Variants in ASPM observed in about 807,000 individuals in gnomAD.
ASPM encodes assembly factor for spindle microtubules, also known as abnormal spindle-like microcephaly-associated protein.
ASPM carries 256 observed loss-of-function variants against 366.4 expected under a neutral mutation model. The observed-to-expected ratio is 0.70, with a 90% confidence interval of 0.63 to 0.77. The LOEUF (loss-of-function observed/expected upper bound fraction) is 0.77, where lower values mean the gene tolerates loss of function less well. ASPM is among the 30% of genes least tolerant of loss of function. The pLI is 0.00. For missense variants in ASPM, 4,146 were observed against 4,090.4 expected (o/e 1.01, Z -0.37); for synonymous variants, 1,414 against 1,342.9 (o/e 1.05, Z -1.16).
In ASPM at chr1:197,143,814, C is replaced by A. The variant is rs1571631775; in HGVS notation, c.442-4G>T. 1.2e-6 allele frequency: 2 copies of A among 1,610,772 alleles called. No homozygotes were observed. Among genetic ancestry groups the A allele is most frequent in the Admixed American group, 3.3e-5 (2 of 59,846 alleles). ...TAATGGTATCCCAAAGACTCCTCTGCAAAAATAAGGAAAATATACCAATTA... is the reference window on the plus strand; with the variant it reads ...TAATGGTATCCCAAAGACTCCTCTGAAAAAATAAGGAAAATATACCAATTA... On this transcript the variant is annotated splice_region_variant and splice_polypyrimidine_tract_variant and intron_variant, in intron 2 of 27. Transcript: ENST00000367409.
rs113161395 is a variant in ASPM, at chr1:197,128,621, A to G, written c.2805T>C (p.Ser935=). 19,280 of 1,613,798 alleles carry G rather than the reference A, an allele frequency of 0.012. 161 individuals are homozygous for G. Among genetic ancestry groups the G allele is most frequent in the Non-Finnish European group, 0.013 (15,820 of 1,179,746 alleles). ...GGTGACGGGAAAGGTCACCTTCACC[A>G]CTTAGGAAATCTCGTGAAAAAGCCA... ...ILLAFSRDFL[S]GEGDLSRHLG... Residue 935 remains serine (S), a synonymous_variant, in exon 10 of 28, where the codon AGT becomes AGC. Transcript: ENST00000367409.
chr1:197,124,292 T>C lies in ASPM; in HGVS notation c.3208A>G (p.Ile1070Val), dbSNP rs762092663. The change falls in exon 13 of 28, where the codon ATT becomes GTT. Residue 1070 changes from isoleucine to valine, a missense_variant. By Grantham distance (29) the Ile-to-Val change is conservative. This residue lies in a region of ASPM where 3,624 missense variants were observed against 3,591.7 expected (regional missense o/e 1.01). Coordinates refer to ENST00000367409, the MANE Select transcript of ASPM (RefSeq NM_018136.5). ...SLNLDQLKEEIAFLKHTKSIK... is the reference protein window; with the variant it reads ...SLNLDQLKEEVAFLKHTKSIK... ...CTCTTTGTGTGTTTTAGAAAGGCAA[T>C]TTCTTCCTTTAATTGATCTAAGTTA... The C allele has an allele frequency of 5.6e-6, 9 of 1,596,720 alleles. No individual in the cohort carries two copies. The highest frequency in any genetic ancestry group is 2.2e-5 in the East Asian group (1 of 44,602).
At chr1:197,095,156 G>A (rs113032429) in intron 19 of ASPM, among the ~76,000 whole-genome samples, 1,763 of 151,536 alleles carry the variant, frequency 0.012, 28 homozygotes, top group Non-Finnish European at 0.015. Flanking sequence ...GTTAACTATA[G>A]TTGCCCTATT....
At chr1:197,094,451 G>A (rs1656900841) in intron 19 of ASPM, among the ~76,000 whole-genome samples, 1 of 151,662 alleles carries the variant, frequency 6.6e-6, no homozygotes, top group East Asian at 1.9e-4. Flanking sequence ...TTTTGAACAG[G>A]ATCAAAATAA....
intron 18 of ASPM, among the ~76,000 whole-genome samples, chr1:197,097,576 T>C (rs1245630320): frequency 2.0e-5 from 3 of 151,762 alleles, no homozygotes; most frequent in Admixed American, 1.3e-4. Flanking sequence ...ATGGCCAAAA[T>C]TACTCTGAGA....
At chr1:197,115,265 T>C (rs1657707541) in intron 17 of ASPM, among the ~76,000 whole-genome samples, 1 of 152,190 alleles carries the variant, frequency 6.6e-6, no homozygotes, top group Admixed American at 6.5e-5. Flanking sequence ...TATCATGAGA[T>C]TGCTGCAATT....
rs1657204853 is a variant in ASPM at position 197,101,991 on chromosome 1, T to C, written c.7260A>G (p.Ser2420=). The part of the protein sequence containing the change: ...SATLIQSRFR[S]LLVRRRFISL... ...AAATGAATCTTCTCCTCACCAGTAA[T>C]GATCTAAACCTACTCTGAATAAGGG... is the stretch of plus-strand genomic sequence containing the variant. Residue 2420 remains serine (S), a synonymous_variant, in exon 18 of 28, where the codon TCA becomes TCG. Coordinates refer to ENST00000367409, the MANE Select transcript of ASPM (RefSeq NM_018136.5). 6.2e-7 allele frequency: 1 copy of C among 1,612,898 alleles called. No homozygotes were observed. The highest frequency in any genetic ancestry group is 1.3e-5 in the African/African-American group (1 of 74,926).
In ASPM at chr1:197,124,209, T is replaced by C; in HGVS notation, c.3291A>G (p.Lys1097=). ...AGGAACCACTATCCCTTTTGCCTTT[T>C]TTCTTATTAATAAGATCATCAGAAT... ...SCHSDDLINK[K]KGKRDSGSFE... The change falls in exon 13 of 28, where the codon AAA becomes AAG. Residue 1097 remains lysine, a synonymous_variant. Transcript: ENST00000367409. The C allele has an allele frequency of 1.2e-6, 2 of 1,611,410 alleles. No homozygotes were observed. The highest frequency in any genetic ancestry group is 1.7e-6 in the Non-Finnish European group (2 of 1,177,848).
chr1:197,101,860 A>G lies in ASPM; in HGVS notation c.7391T>C (p.Ile2464Thr), dbSNP rs1332569851. ...CATCAGTCTTCTGTAAGATGACTGT[A>G]TTGTAATGGCTGCCTTTCTTAAGTG... Reference protein sequence around the residue: ...FLHLRKAAITIQSSYRRLMVK... With the variant: ...FLHLRKAAITTQSSYRRLMVK... The change falls in exon 18 of 28, where the codon ATA becomes ACA. Residue 2464 changes from isoleucine to threonine, a missense_variant. Around this residue, in one of 3 missense-constraint regions of ASPM, gnomAD observed 3,624 missense variants for 3,591.7 expected, o/e 1.01. Coordinates refer to ENST00000367409, the MANE Select transcript of ASPM (RefSeq NM_018136.5). 2 of 1,612,802 alleles carry G rather than the reference A, an allele frequency of 1.2e-6. No homozygotes were observed. Among genetic ancestry groups the G allele is most frequent in the Non-Finnish European group, 1.7e-6 (2 of 1,179,280 alleles).
rs148581237 is a variant in ASPM at position 197,096,613 on chromosome 1, T to G, written c.8821-449A>C. Among the ~76,000 whole-genome samples the G allele has an allele frequency of 3.3e-5, 5 of 151,928 alleles. No homozygotes were observed. The East Asian group carries it at 9.7e-4, about 29-fold the overall frequency. On this transcript the variant is annotated intron_variant, in intron 18 of 27. Transcript: ENST00000367409. ...CTGTGTTCAGCCTGCAGGAGAATCC[T>G]GAGAGCTCCTGTGATAGGACTGTCA...
At chr1:197,132,428 T>C (rs1180806857) in intron 6 of ASPM, 76 bp from the exon 7 acceptor site, 2 of 1,249,900 alleles carry the variant, frequency 1.6e-6, no homozygotes, top group East Asian at 4.7e-5. Flanking sequence ...TCAAGGAGAG[T>C]ATATCAGTGG....
At position 197,104,346 on chromosome 1, in the gene ASPM, A is replaced by G. The variant is rs1657328935; in HGVS notation, c.4905T>C (p.Ala1635=). 1 of 1,613,136 alleles carries G rather than the reference A, an allele frequency of 6.2e-7. No individual in the cohort carries two copies. Residue 1635 remains alanine (A), a synonymous_variant, in exon 18 of 28, where the codon GCT becomes GCC. Transcript: ENST00000367409. ...VLASYQKTRS[A]VIVLQSAYRG... ...TATATGCAGACTGCAGCACAATGAC[A>G]GCAGAGCGTGTTTTCTGGTAAGATG...
chr1:197,143,831 T>G, intron 2 of ASPM, 21 bp from the exon 3 acceptor site: 1 of 1,605,812 alleles, frequency 6.2e-7, no homozygotes, highest in South Asian at 1.1e-5. Flanking sequence ...AAGGAAAATA[T>G]ACCAATTAAG....
chr1:197,124,239 T>G lies in ASPM; in HGVS notation c.3261A>C (p.Ser1087=), dbSNP rs749253017. Residue 1087 remains serine, a synonymous_variant, in exon 13 of 28, where the codon TCA becomes TCC. Coordinates refer to ENST00000367409, the MANE Select transcript of ASPM (RefSeq NM_018136.5). ...TATTAATAAGATCATCAGAATGGCA[T>G]GATAGTAGAGATATTGTTTTCTTTA... ...KSIKKTISLL[S]CHSDDLINKK... 1.2e-6 allele frequency: 2 copies of G among 1,608,824 alleles called. No individual in the cohort carries two copies. Among genetic ancestry groups the G allele is most frequent in the South Asian group, 1.1e-5 (1 of 90,892 alleles).
intron 1 of ASPM, 96 bp from the exon 2 acceptor site, chr1:197,144,196 TTGTTAA>T (rs1257800094): frequency 2.3e-6 from 2 of 876,358 alleles, no homozygotes; most frequent in Non-Finnish European, 3.7e-6. Flanking sequence ...GGCTTAATAA[TTGTTAA>T]CCAACACTCT....
In ASPM at chr1:197,139,815, T is replaced by C. The variant is rs1438597328; in HGVS notation, c.1978A>G (p.Ile660Val). ...SKTNKRTKPI[I>V]AVAQSSLTFI... ...GTCAAACTGGACTGTGCCACAGCGA[T>C]AATGGGTTTTGTCCTTTTGTTTGTT... is the stretch of plus-strand genomic sequence containing the variant. The change falls in exon 4 of 28, where the codon ATC becomes GTC. Residue 660 changes from isoleucine (I) to valine (V), a missense_variant. By Grantham distance (29) the Ile-to-Val change is conservative (BLOSUM62 3). Around this residue, in one of 3 missense-constraint regions of ASPM, gnomAD observed 3,624 missense variants for 3,591.7 expected, o/e 1.01. Transcript: ENST00000367409. The C allele has an allele frequency of 1.9e-6, 3 of 1,612,702 alleles. No individual in the cohort carries two copies.
intron 7 of ASPM, among the ~76,000 whole-genome samples, chr1:197,130,690 C>CT (rs1658230549): frequency 6.6e-6 from 1 of 152,058 alleles, no homozygotes; most frequent in East Asian, 1.9e-4. Context: ...ACTTTATTTA[C>CT]TTTTTTTGGC....
chr1:197,109,887 C>T (rs548574060), intron 17 of ASPM, among the ~76,000 whole-genome samples: 4 of 151,862 alleles, frequency 2.6e-5, no homozygotes, highest in Admixed American at 2.6e-4. Context: ...AAATAAGATA[C>T]TGAGGTATGA....
chr1:197,126,215 T>A (rs543457177), intron 10 of ASPM, among the ~76,000 whole-genome samples: 1 of 152,042 alleles, frequency 6.6e-6, no homozygotes, highest in African/African-American at 2.4e-5. Flanking sequence ...CTGAGGTGGG[T>A]GGATCACCTG....
Sources: gnomAD v4.1 joint callset for allele counts (sites outside exome capture counted in the v4.1 genomes callset) on GRCh38, gnomAD v4.1.1 for gene constraint, gnomAD v4.1.1 regional missense constraint, MANE v1.5 for transcripts, NCBI Gene and HGNC (gene_info 2026-07-23, HGNC 2026-07-21) for gene names.